PAPSS2: variants seen among roughly 807,000 people sequenced by gnomAD.
The protein encoded by PAPSS2 is bifunctional 3'-phosphoadenosine 5'-phosphosulfate synthase 2.
Under a neutral mutation model 66.5 loss-of-function variants are expected in PAPSS2, and 61 were observed. The ratio of observed to expected loss-of-function variants is 0.92; its 90% CI spans 0.75 to 1.14. The LOEUF (loss-of-function observed/expected upper bound fraction) is 1.14, where lower values mean the gene tolerates loss of function less well. Among genes scored for constraint, PAPSS2 ranks in the 50% most tolerant of loss-of-function variants. The pLI, the probability that PAPSS2 is intolerant of heterozygous loss-of-function variation, is 0.00. For missense variants in PAPSS2, 708 were observed against 789.6 expected, an observed-to-expected ratio of 0.90 and a Z score of 1.24; for synonymous variants, 289 against 287.5, an observed-to-expected ratio of 1.01 and a Z score of -0.05.
In PAPSS2 at chr10:87,709,326, C is replaced by CATAT. The variant is rs72025574; in HGVS notation, c.145+29_145+32dup. 155 of 1,158,620 alleles carry CATAT rather than the reference C, an allele frequency of 1.3e-4. No individual in the cohort carries two copies. The highest frequency in any genetic ancestry group is 4.6e-4 in the African/African-American group (30 of 64,596). The allele number at this position is 1,158,620 out of a possible 1,614,324, so 71.8% of individuals were successfully genotyped here. A position where few individuals can be genotyped will look rare whatever the true frequency, so the allele number is the denominator to read the frequency against. ...GTGTGGCTAACAGGTATGTCATGTT[C>CATAT]ATATATATATATATATATACAAATT... is the stretch of plus-strand genomic sequence containing the variant. On this transcript the variant is annotated intron_variant, in intron 2 of 12. Transcript: ENST00000456849.
chr10:87,718,442 C>T (rs1464391474), intron 7 of PAPSS2, among the ~76,000 whole-genome samples: 6 of 152,230 alleles, frequency 3.9e-5, no homozygotes, highest in African/African-American at 1.4e-4. Context: ...CGCAAACCCA[C>T]CAGCCTGGGG....
intron 9 of PAPSS2, among the ~76,000 whole-genome samples, chr10:87,735,660 C>G (rs1853789063): frequency 6.6e-6 from 1 of 152,220 alleles, no homozygotes. Context: ...AGCCTCAGCA[C>G]TGTTGACATA....
intron 1 of PAPSS2, among the ~76,000 whole-genome samples, chr10:87,683,094 CTTT>C (rs34190865): frequency 1.8e-4 from 23 of 130,510 alleles, no homozygotes; most frequent in Non-Finnish European, 2.6e-4. Context: ...TTTCTTTTTT[CTTT>C]TTTTTTTTTT....
intron 1 of PAPSS2, 71 bp downstream of exon 1, chr10:87,660,079 C>T: frequency 6.7e-7 from 1 of 1,494,800 alleles, no homozygotes; most frequent in Non-Finnish European, 9.2e-7. Context: ...CCCCAATTCC[C>T]CGGCACTTGG....
At chr10:87,740,075 A>G (rs1252179780) in intron 9 of PAPSS2, among the ~76,000 whole-genome samples, 1 of 152,206 alleles carries the variant, frequency 6.6e-6, no homozygotes, top group Non-Finnish European at 1.5e-5. Context: ...GTGATAAACT[A>G]TGGTTATTCA....
intron 1 of PAPSS2, among the ~76,000 whole-genome samples, chr10:87,689,352 A>C (rs1423583441): frequency 4.0e-5 from 6 of 150,576 alleles, no homozygotes; most frequent in African/African-American, 9.8e-5. Flanking sequence ...AAAAAAAAAA[A>C]AAACAAAAAA....
chr10:87,740,584 G>T (rs12780234), intron 9 of PAPSS2, among the ~76,000 whole-genome samples: 44,176 of 151,998 alleles, frequency 0.29, 6,680 homozygotes, highest in Middle Eastern at 0.31. Context: ...TAATATGGCT[G>T]CCCATTCCAC....
intron 1 of PAPSS2, among the ~76,000 whole-genome samples, chr10:87,672,433 C>A (rs929447872): frequency 6.6e-6 from 1 of 152,106 alleles, no homozygotes; most frequent in Non-Finnish European, 1.5e-5. Flanking sequence ...ATATGTGATC[C>A]TTGGAGTAGA....
At position 87,745,914 on chromosome 10, in the gene PAPSS2, G is replaced by A; in HGVS notation, c.1804G>A (p.Ala602Thr). 1 of 1,613,984 alleles carries A rather than the reference G, an allele frequency of 6.2e-7. No homozygotes were observed. The highest frequency in any genetic ancestry group is 8.5e-7 in the Non-Finnish European group (1 of 1,179,902). ...AGAGAATCCCCCAGATGGCTTCATG[G>A]CCCCCAAAGCATGGAAGGTCCTGAC... is the stretch of plus-strand genomic sequence containing the variant. ...EGENPPDGFM[A>T]PKAWKVLTDY... Residue 602 changes from alanine to threonine, a missense_variant, in exon 13 of 13, where the codon GCC becomes ACC. Coordinates refer to ENST00000456849, the MANE Select transcript of PAPSS2 (RefSeq NM_001015880.2).
chr10:87,720,211 ATTCT>A (rs543312696), intron 7 of PAPSS2, among the ~76,000 whole-genome samples: 72 of 152,194 alleles, frequency 4.7e-4, no homozygotes, highest in Middle Eastern at 3.4e-3. Flanking sequence ...AAACCAGATA[ATTCT>A]TTATTTCATT....
chr10:87,675,198 C>A (rs1852929843), intron 1 of PAPSS2, among the ~76,000 whole-genome samples: 1 of 152,220 alleles, frequency 6.6e-6, no homozygotes, highest in African/African-American at 2.4e-5. Flanking sequence ...TGGCTGTTAT[C>A]ATTTAGTATT....
chr10:87,692,369 C>T (rs533209273), intron 1 of PAPSS2, among the ~76,000 whole-genome samples: 7 of 152,100 alleles, frequency 4.6e-5, no homozygotes, highest in Middle Eastern at 3.4e-3. Context: ...GAAGCAGGTA[C>T]AAATCACTGA....
chr10:87,741,014 C>T (rs913065214), intron 9 of PAPSS2, among the ~76,000 whole-genome samples: 8 of 152,038 alleles, frequency 5.3e-5, no homozygotes, highest in Admixed American at 2.0e-4. Flanking sequence ...ATAGCTATAA[C>T]CCACAAAAAT....
chr10:87,689,169 C>T (rs1014418048), intron 1 of PAPSS2, among the ~76,000 whole-genome samples: 19 of 151,600 alleles, frequency 1.3e-4, no homozygotes, highest in Middle Eastern at 3.4e-3. Context: ...GGAGAAACCC[C>T]GTCCCCACTA....
At chr10:87,714,248 C>A in intron 4 of PAPSS2, 66 bp downstream of exon 4, 1 of 1,549,794 alleles carries the variant, frequency 6.5e-7, no homozygotes, top group Non-Finnish European at 8.8e-7. Context: ...CTTATTCTGT[C>A]CTCAGAAATC....
At chr10:87,682,492 T>C (rs919164431) in intron 1 of PAPSS2, among the ~76,000 whole-genome samples, 34 of 152,368 alleles carry the variant, frequency 2.2e-4, no homozygotes, top group African/African-American at 7.9e-4. Flanking sequence ...TTCTCCCTTC[T>C]TGAATTGGAG....
Position 87,662,125 on chromosome 10 carries a change from C to T in PAPSS2, c.27+2117C>T, listed in dbSNP as rs1009287117. On this transcript the variant is annotated intron_variant, in intron 1 of 12. Coordinates refer to ENST00000456849, the MANE Select transcript of PAPSS2 (RefSeq NM_001015880.2). ...GGAGTGAGACTGAGCTGATCTTTTA[C>T]GGTCTTATAGGAATCATCACATTGT... Among the ~76,000 whole-genome samples, 7 of 152,276 alleles carry T rather than the reference C, an allele frequency of 4.6e-5. No individual in the cohort carries two copies. The South Asian group carries it at 8.3e-4, about 18-fold the overall frequency.
At chr10:87,667,265 G>A (rs987362335) in intron 1 of PAPSS2, among the ~76,000 whole-genome samples, 2 of 151,970 alleles carry the variant, frequency 1.3e-5, no homozygotes, top group Non-Finnish European at 2.9e-5. Context: ...ACCAGCCTGG[G>A]CAACATGGCA....
At chr10:87,727,798 T>C (rs1234658113) in intron 9 of PAPSS2, among the ~76,000 whole-genome samples, 2 of 152,198 alleles carry the variant, frequency 1.3e-5, no homozygotes, top group East Asian at 3.9e-4. Context: ...AACAAAATCA[T>C]AGCTGTAGCT....
Sources: gnomAD v4.1 joint callset for allele counts (sites outside exome capture counted in the v4.1 genomes callset) on GRCh38, gnomAD v4.1.1 for gene constraint, MANE v1.5 for transcripts, NCBI Gene and HGNC (gene_info 2026-07-23, HGNC 2026-07-21) for gene names.